Variants in HEY2 observed in about 807,000 individuals in gnomAD.
HEY2 encodes the protein hairy/enhancer-of-split related with YRPW motif protein 2.
A neutral mutation model predicts 18.1 loss-of-function variants in HEY2; 10 were observed. The observed-to-expected ratio is 0.55, with a 90% CI of 0.34 to 0.94. HEY2 has a LOEUF of 0.94. HEY2 is among the 40% of genes least tolerant of loss of function. HEY2 has a pLI of 0.02. For synonymous variants in HEY2, 210 were observed against 182.7 expected (o/e 1.15, Z -1.21); for missense variants, 455 against 455.9 (o/e 1.00, Z 0.02).
At position 125,749,861 on chromosome 6, in the gene HEY2, TGAGCGCGGGCTCCGCGG is replaced by T; in HGVS notation, c.83+8_83+24del. 6.4e-7 allele frequency: 1 copy of T among 1,566,560 alleles called. No individual in the cohort carries two copies. The highest frequency in any genetic ancestry group is 8.6e-7 in the Non-Finnish European group (1 of 1,156,650). On this transcript the variant is annotated splice_donor_5th_base_variant and intron_variant, in intron 1 of 4. Coordinates refer to ENST00000368364, the MANE Select transcript of HEY2 (RefSeq NM_012259.3). The stretch of plus-strand genomic sequence containing the variant: ...GGGGAGCGAGAACAATTACTCGGGG[TGAGCGCGGGCTCCGCGG>T]GAGCGGCCCGCAGCTCGGGAGCTTG...
At chr6:125,755,893 G>A (rs1390908281) in intron 4 of HEY2, among the ~76,000 whole-genome samples, 3 of 152,190 alleles carry the variant, frequency 2.0e-5, no homozygotes, top group Admixed American at 6.5e-5. Flanking sequence ...CTAGCAGCAT[G>A]AGCGCCAAGG....
At chr6:125,754,791 T>G (rs1301401697) in intron 4 of HEY2, among the ~76,000 whole-genome samples, 3 of 152,038 alleles carry the variant, frequency 2.0e-5, no homozygotes, top group African/African-American at 7.3e-5. Flanking sequence ...ACTGTGGGAG[T>G]AAAGCTTCAT....
Position 125,749,657 on chromosome 6 carries a change from G to C in HEY2, c.-120G>C. The C allele has an allele frequency of 1.7e-6, 1 of 579,224 alleles. No homozygotes were observed. Among genetic ancestry groups the C allele is most frequent in the South Asian group, 2.9e-5 (1 of 34,756 alleles). 35.9% of individuals were successfully genotyped at this position (579,224 alleles called of 1,614,324 possible). A position where few individuals can be genotyped will look rare whatever the true frequency, so the allele number is the denominator to read the frequency against. Reference sequence around the variant, plus strand: ...GAAAGAGCCGCTAGGAGCAGACCGCGCCGCCGCCGGAGCCGCGCCTGCCCA... The same window carrying C: ...GAAAGAGCCGCTAGGAGCAGACCGCCCCGCCGCCGGAGCCGCGCCTGCCCA... On this transcript the variant is annotated 5_prime_UTR_variant, in exon 1 of 5. Coordinates refer to ENST00000368364, the MANE Select transcript of HEY2 (RefSeq NM_012259.3).
chr6:125,752,113 TCCCCCCACCCACCCCGCCA>T, intron 3 of HEY2, 23 bp downstream of exon 3: 1 of 1,258,324 alleles, frequency 7.9e-7, no homozygotes, highest in Non-Finnish European at 1.1e-6. Flanking sequence ...CTCCCCAGAA[TCCCCCCACCCACCCCGCCA>T]CCCCCCAAAA....
chr6:125,759,338 C>CA lies in HEY2; in HGVS notation c.551dup (p.His184GlnfsTer142). The CA allele has an allele frequency of 6.2e-7, 1 of 1,604,334 alleles. No individual in the cohort carries two copies. Among genetic ancestry groups the CA allele is most frequent in the Non-Finnish European group, 8.5e-7 (1 of 1,177,506 alleles). The stretch of plus-strand genomic sequence containing the variant: ...CCACCATCATCCGCTCCACCCGCAT[C>CA]ACTGGGCCGCCGCCTTCCACCACCT... On this transcript the variant is annotated frameshift_variant, in exon 5 of 5. Coordinates refer to ENST00000368364, the MANE Select transcript of HEY2 (RefSeq NM_012259.3). LOFTEE classifies it low-confidence loss of function (END_TRUNC).
intron 4 of HEY2, among the ~76,000 whole-genome samples, chr6:125,758,168 TACATGGGCA>T (rs1773703039): frequency 7.4e-6 from 1 of 135,602 alleles, no homozygotes; most frequent in South Asian, 2.3e-4. Context: ...CTACATGCCC[TACATGGGCA>T]CTCCAATAAT....
chr6:125,749,928 C>T (rs536859935), intron 1 of HEY2, 69 bp downstream of exon 1: 2 of 1,237,762 alleles, frequency 1.6e-6, no homozygotes, highest in Admixed American at 2.0e-5. Context: ...ATGCGTGGCT[C>T]CCTGGAAATC....
chr6:125,756,737 T>A (rs146876940), intron 4 of HEY2, among the ~76,000 whole-genome samples: 74 of 152,292 alleles, frequency 4.9e-4, no homozygotes, highest in African/African-American at 1.7e-3. Context: ...TTGGGCAAAT[T>A]ACCCCCTGCG....
At chr6:125,753,915 T>G (rs1186958047) in intron 3 of HEY2, among the ~76,000 whole-genome samples, 6 of 152,198 alleles carry the variant, frequency 3.9e-5, no homozygotes, top group African/African-American at 1.2e-4. Flanking sequence ...CTGCTTGAAA[T>G]GCAGATCCAA....
chr6:125,760,649 A>G lies in HEY2; in HGVS notation c.*847A>G, dbSNP rs1013399483. The G allele has an allele frequency of 6.6e-6, 1 of 152,136 alleles. No individual in the cohort carries two copies. Among genetic ancestry groups the G allele is most frequent in the Non-Finnish European group, 1.5e-5 (1 of 68,018 alleles). 9.4% of individuals were successfully genotyped at this position (152,136 alleles called of 1,614,324 possible). A position where few individuals can be genotyped will look rare whatever the true frequency, so the allele number is the denominator to read the frequency against. On this transcript the variant is annotated 3_prime_UTR_variant, in exon 5 of 5. Coordinates refer to ENST00000368364, the MANE Select transcript of HEY2 (RefSeq NM_012259.3). ...GCCTACCATGTGTCCACCAGAGGCT[A>G]TTTAATTCATGCCAACTTGAAAACT...
At chr6:125,751,984 T>C in intron 2 of HEY2, 23 bp from the exon 3 acceptor site, 1 of 1,605,138 alleles carries the variant, frequency 6.2e-7, no homozygotes, top group Non-Finnish European at 8.5e-7. Context: ...CATAAACTTT[T>C]GTTGTTTGCT....
intron 1 of HEY2, 58 bp from the exon 2 acceptor site, chr6:125,751,743 C>A: frequency 8.8e-7 from 1 of 1,134,574 alleles, no homozygotes; most frequent in Non-Finnish European, 1.3e-6. Context: ...CCACAAGTAC[C>A]CAGAAGAAAC....
rs1342638154 is a variant in HEY2 at position 125,760,548 on chromosome 6, T to G, written c.*746T>G. 3 of 150,618 alleles carry G rather than the reference T, an allele frequency of 2.0e-5. No individual in the cohort carries two copies. Among genetic ancestry groups the G allele is most frequent in the Admixed American group, 1.3e-4 (2 of 15,122 alleles). The allele number at this position is 150,618 out of a possible 1,614,324, so 9.3% of individuals were successfully genotyped here. A position where few individuals can be genotyped will look rare whatever the true frequency, so the allele number is the denominator to read the frequency against. ...CTCTGCCTGCAGGCCCCCAGGCACT[T>G]TTTTTTTTGGATGGCTCAAAATATG... is the stretch of plus-strand genomic sequence containing the variant. On this transcript the variant is annotated 3_prime_UTR_variant, in exon 5 of 5. Coordinates refer to ENST00000368364, the MANE Select transcript of HEY2 (RefSeq NM_012259.3).
At chr6:125,756,741 C>G (rs1158259786) in intron 4 of HEY2, among the ~76,000 whole-genome samples, 1 of 152,098 alleles carries the variant, frequency 6.6e-6, no homozygotes, top group Non-Finnish European at 1.5e-5. Context: ...GCAAATTACC[C>G]CCTGCGAGCT....
intron 1 of HEY2, among the ~76,000 whole-genome samples, 153 bp from the exon 2 acceptor site, chr6:125,751,648 C>T (rs890601498): frequency 1.3e-5 from 2 of 152,172 alleles, no homozygotes; most frequent in Non-Finnish European, 2.9e-5. Context: ...GGGCTGAAAG[C>T]AAAGTCCGTT....
intron 3 of HEY2, 43 bp from the exon 4 acceptor site, chr6:125,754,422 C>T (rs201046027): frequency 1.6e-6 from 2 of 1,221,062 alleles, no homozygotes; most frequent in Admixed American, 4.0e-5. Context: ...AGATTAGTTT[C>T]TGTAGGACAT....
Position 125,759,335 on chromosome 6 carries a change from C to A in HEY2, c.547C>A (p.His183Asn). Residue 183 changes from histidine to asparagine, a missense_variant, in exon 5 of 5, where the codon CAT (histidine) becomes AAT (asparagine). Physicochemically the swap from His to Asn is moderately conservative, Grantham distance 68 (BLOSUM62 1). Coordinates refer to ENST00000368364, the MANE Select transcript of HEY2 (RefSeq NM_012259.3). ...MAHHHHPLHP[H>N]HWAAAFHHLP... Reference sequence around the variant, plus strand: ...CCACCACCATCATCCGCTCCACCCGCATCACTGGGCCGCCGCCTTCCACCA... The same window carrying A: ...CCACCACCATCATCCGCTCCACCCGAATCACTGGGCCGCCGCCTTCCACCA... 1 of 1,604,402 alleles carries A rather than the reference C, an allele frequency of 6.2e-7. No homozygotes were observed. Among genetic ancestry groups the A allele is most frequent in the Non-Finnish European group, 8.5e-7 (1 of 1,177,650 alleles).
rs923512121 is a variant in HEY2, at chr6:125,760,926, A to G, written c.*1124A>G. The G allele has an allele frequency of 1.3e-5, 2 of 152,762 alleles. No individual in the cohort carries two copies. Among genetic ancestry groups the G allele is most frequent in the Admixed American group, 6.5e-5 (1 of 15,298 alleles). 9.5% of individuals were successfully genotyped at this position (152,762 alleles called of 1,614,324 possible). A position where few individuals can be genotyped will look rare whatever the true frequency, so the allele number is the denominator to read the frequency against. ...GATGAATGTATGCAATGGGATGTAC[A>G]TAAGTTATTTTTGCCCATGCCTAAA... On this transcript the variant is annotated 3_prime_UTR_variant, in exon 5 of 5. Transcript: ENST00000368364.
At chr6:125,758,401 T>C (rs1400128606) in intron 4 of HEY2, among the ~76,000 whole-genome samples, 4 of 152,174 alleles carry the variant, frequency 2.6e-5, no homozygotes, top group Admixed American at 6.5e-5. Flanking sequence ...CGTTGACATA[T>C]AGTATTTTCA....
Sources: allele counts gnomAD v4.1 joint callset (sites outside exome capture counted in the v4.1 genomes callset), GRCh38; gene constraint gnomAD v4.1.1; transcripts MANE v1.5; gene names NCBI Gene and HGNC (gene_info 2026-07-23, HGNC 2026-07-21).